PCDH15: variants seen among roughly 807,000 people sequenced by gnomAD.
PCDH15 encodes the protein protocadherin related 15, also known as protocadherin-15.
A neutral mutation model predicts 178.5 loss-of-function variants in PCDH15; 129 were observed. The observed-to-expected ratio is 0.72, with a 90% CI of 0.63 to 0.84. The LOEUF is 0.84. Among genes scored for constraint, PCDH15 ranks in the 40% least tolerant of loss-of-function variants. The pLI is 0.00. For synonymous variants in PCDH15, 800 were observed against 732.0 expected (o/e 1.09, Z -1.50); for missense variants, 2,230 against 2,099.9 (o/e 1.06, Z -1.21).
chr10:55,501,223 A>G (rs1840649243), intron 2 of PCDH15, among the ~76,000 whole-genome samples: 1 of 151,734 alleles, frequency 6.6e-6, no homozygotes, highest in Admixed American at 6.6e-5. Context: ...AAGCTGAGAG[A>G]GGAAAGGAGG....
At chr10:54,392,468 C>CAAAAAAAAAAA (rs71007849) in intron 3 of PCDH15, among the ~76,000 whole-genome samples, 1 of 66,124 alleles carries the variant, frequency 1.5e-5, no homozygotes, top group Non-Finnish European at 2.5e-5. Context: ...GAGGCTGTCT[C>CAAAAAAAAAAA]AAAAAAAAAA....
chr10:54,550,438 T>A (rs1425004149), intron 2 of PCDH15, among the ~76,000 whole-genome samples: 1 of 152,126 alleles, frequency 6.6e-6, no homozygotes, highest in East Asian at 1.9e-4. Context: ...CATTATTTTC[T>A]TGAGCCAGTG....
intron 3 of PCDH15, among the ~76,000 whole-genome samples, chr10:54,462,299 CAT>C (rs995360821): frequency 1.4e-4 from 20 of 139,822 alleles, no homozygotes; most frequent in South Asian, 2.2e-4. Flanking sequence ...CACACACACA[CAT>C]ATATATATAT....
chr10:54,481,662 C>A, intron 3 of PCDH15, among the ~76,000 whole-genome samples: 1 of 151,730 alleles, frequency 6.6e-6, no homozygotes, highest in East Asian at 1.9e-4. Context: ...TATATGTTAA[C>A]ATTGGTAATT....
intron 2 of PCDH15, among the ~76,000 whole-genome samples, chr10:55,542,321 T>C (rs1424676127): frequency 2.6e-5 from 4 of 151,052 alleles, no homozygotes; most frequent in African/African-American, 9.7e-5. Context: ...TATGGACATA[T>C]ATACCCTATG....
intron 2 of PCDH15, among the ~76,000 whole-genome samples, chr10:55,350,952 T>TTTC (rs575609366): frequency 6.6e-6 from 1 of 151,154 alleles, no homozygotes; most frequent in Non-Finnish European, 1.5e-5. Flanking sequence ...TGTTTTATTA[T>TTTC]TTCTTCTTCT....
intron 2 of PCDH15, among the ~76,000 whole-genome samples, chr10:55,583,626 G>A (rs773726096): frequency 4.2e-4 from 64 of 152,136 alleles, no homozygotes; most frequent in Non-Finnish European, 7.6e-4. Flanking sequence ...TAGAGACAGA[G>A]TTTTGCCATG....
At chr10:54,055,983 G>A (rs1480697621) in intron 18 of PCDH15, among the ~76,000 whole-genome samples, 9 of 152,160 alleles carry the variant, frequency 5.9e-5, no homozygotes, top group Non-Finnish European at 1.3e-4. Flanking sequence ...GGTTTATAAT[G>A]AGACCAGATT....
At chr10:54,857,194 G>C (rs1397823145) in intron 3 of PCDH15, among the ~76,000 whole-genome samples, 1 of 152,110 alleles carries the variant, frequency 6.6e-6, no homozygotes, top group Non-Finnish European at 1.5e-5. Flanking sequence ...TAAGCACTCA[G>C]ATATTTGCTA....
At chr10:54,317,728 C>T (rs773815246) in intron 7 of PCDH15, among the ~76,000 whole-genome samples, 26 of 151,802 alleles carry the variant, frequency 1.7e-4, no homozygotes, top group East Asian at 3.9e-4. Context: ...GCCAAGATCA[C>T]GCCACTGCAC....
At chr10:55,550,378 C>T (rs1206025537) in intron 2 of PCDH15, among the ~76,000 whole-genome samples, 1 of 151,990 alleles carries the variant, frequency 6.6e-6, no homozygotes. Context: ...ATGACTTGTC[C>T]TAGGGACAAT....
Position 55,508,899 on chromosome 10 carries a change from T to C in PCDH15, c.-156+118726A>G, listed in dbSNP as rs115745180. ...GCTGTCAAATTTTCCTACATAAAGG[T>C]AGCTGAATATTACAAGTTCAAATGT... is the stretch of plus-strand genomic sequence containing the variant. On this transcript the variant is annotated intron_variant, in intron 2 of 5. Transcript: ENST00000613346. Among the ~76,000 whole-genome samples, 718 of 151,696 alleles carry C rather than the reference T, an allele frequency of 4.7e-3. 6 individuals are homozygous for C. The highest frequency in any genetic ancestry group is 0.016 in the African/African-American group (684 of 41,468).
intron 14 of PCDH15, among the ~76,000 whole-genome samples, chr10:54,136,436 G>A (rs1180823184): frequency 6.7e-6 from 1 of 150,008 alleles, no homozygotes; most frequent in Non-Finnish European, 1.5e-5. Context: ...CTGTACTGCA[G>A]ATTCGAAGCT....
intron 26 of PCDH15, among the ~76,000 whole-genome samples, chr10:53,874,889 G>T (rs1048644727): frequency 1.3e-5 from 2 of 151,764 alleles, no homozygotes; most frequent in African/African-American, 4.8e-5. Context: ...AAATGAAAAA[G>T]TATCTTTTAG....
At chr10:54,649,948 T>TA (rs2094217259) in intron 2 of PCDH15, among the ~76,000 whole-genome samples, 1 of 152,180 alleles carries the variant, frequency 6.6e-6, no homozygotes, top group Non-Finnish European at 1.5e-5. Flanking sequence ...ATCTACTTTT[T>TA]ATTCAATGCT....
chr10:54,365,789 G>A (rs924818108), intron 5 of PCDH15, among the ~76,000 whole-genome samples: 1 of 152,076 alleles, frequency 6.6e-6, no homozygotes, highest in Non-Finnish European at 1.5e-5. Context: ...CTACTTCAAT[G>A]TCTTATGTCT....
chr10:55,356,241 G>A (rs1264310456), intron 2 of PCDH15, among the ~76,000 whole-genome samples: 1 of 151,278 alleles, frequency 6.6e-6, no homozygotes, highest in African/African-American at 2.4e-5. Context: ...AAAAAAGAAA[G>A]ATGAAAGAAA....
intron 2 of PCDH15, among the ~76,000 whole-genome samples, chr10:54,939,100 G>A (rs2131861143): frequency 6.6e-6 from 1 of 152,076 alleles, no homozygotes; most frequent in East Asian, 1.9e-4. Flanking sequence ...TTTTTTTGCA[G>A]CAGCAATATA....
Position 54,651,018 on chromosome 10 carries a change from A to G in PCDH15, c.91+13154T>C, listed in dbSNP as rs73253042. On this transcript the variant is annotated intron_variant, in intron 2 of 37. Coordinates refer to ENST00000644397, the MANE Select transcript of PCDH15 (RefSeq NM_001384140.1). ...CACTAAATACAATCAGTGGCAAAAA[A>G]GTGAACCCTACAAGCAATCAATCAA... Among the ~76,000 whole-genome samples, 916 of 152,284 alleles carry G rather than the reference A, an allele frequency of 6.0e-3. 15 individuals carry two copies. The highest frequency in any genetic ancestry group is 0.021 in the African/African-American group (886 of 41,566).
Sources: allele counts gnomAD v4.1 joint callset (sites outside exome capture counted in the v4.1 genomes callset), GRCh38; gene constraint gnomAD v4.1.1; transcripts MANE v1.5; gene names NCBI Gene and HGNC (gene_info 2026-07-23, HGNC 2026-07-21).